The following PDE6A variants were observed in gnomAD, a reference collection of about 807,000 sequenced individuals.
PDE6A encodes the protein rod cGMP-specific 3',5'-cyclic phosphodiesterase subunit alpha.
Under a neutral mutation model 106.3 loss-of-function variants are expected in PDE6A, and 84 were observed. The observed-to-expected ratio is 0.79, with a 90% CI of 0.66 to 0.95. PDE6A has a LOEUF of 0.95. Ranked by LOEUF, PDE6A falls within the 40% of genes least tolerant of loss-of-function variation. The pLI is 0.00. For missense variants in PDE6A, 1,052 were observed against 1,084.9 expected (o/e 0.97, Z 0.43); for synonymous variants, 394 against 386.6 (o/e 1.02, Z -0.23).
chr5:149,867,938 A>G, intron 18 of PDE6A, 139 bp from the exon 19 acceptor site: 1 of 1,102,100 alleles, frequency 9.1e-7, no homozygotes, highest in East Asian at 2.4e-5. Flanking sequence ...TTTTGCTGTC[A>G]TCACTGGAGA....
chr5:149,896,583 C>A (rs1752760467), intron 11 of PDE6A, 81 bp from the exon 12 acceptor site: 1 of 1,613,668 alleles, frequency 6.2e-7, no homozygotes, highest in Non-Finnish European at 8.5e-7. Context: ...CTGTCCCCAT[C>A]CTGGGTCTGC....
chr5:149,942,218 C>G lies in PDE6A; in HGVS notation c.474+1982G>C, dbSNP rs570192788. 2.0e-3 allele frequency among the ~76,000 whole-genome samples: 307 copies of G among 152,338 alleles called. 3 individuals are homozygous for G. Among genetic ancestry groups the G allele is most frequent in the African/African-American group, 7.2e-3 (298 of 41,592 alleles). On this transcript the variant is annotated intron_variant, in intron 1 of 21. Transcript: ENST00000255266. ...GCTCAAGTGGTCTTCCCACCTCAGC[C>G]TCCCAAAGTGCTGGGATTACAGGTG...
intron 4 of PDE6A, among the ~76,000 whole-genome samples, chr5:149,929,480 G>A (rs1208938262): frequency 2.0e-5 from 3 of 152,072 alleles, no homozygotes; most frequent in Non-Finnish European, 2.9e-5. Context: ...GGTGGTGGGC[G>A]CCTGTAGTCC....
intron 20 of PDE6A, among the ~76,000 whole-genome samples, chr5:149,865,321 G>T (rs1268062446): frequency 6.6e-6 from 1 of 151,090 alleles, no homozygotes; most frequent in African/African-American, 2.4e-5. Context: ...GAGGTGGGAG[G>T]ATCATTTGGG....
intron 14 of PDE6A, 65 bp from the exon 15 acceptor site, chr5:149,884,932 TCTC>T (rs1170184207): frequency 3.2e-6 from 4 of 1,257,180 alleles, no homozygotes; most frequent in Non-Finnish European, 4.7e-6. Context: ...AAACATCAAG[TCTC>T]CTGACTCAGT....
intron 17 of PDE6A, among the ~76,000 whole-genome samples, chr5:149,870,888 A>AG (rs373239753): frequency 2.9e-4 from 44 of 151,370 alleles, no homozygotes; most frequent in African/African-American, 1.1e-3. Context: ...AGAAAGAAAG[A>AG]AAAAGAAAGA....
chr5:149,874,140 A>G (rs1416508204), intron 17 of PDE6A, among the ~76,000 whole-genome samples: 1 of 152,124 alleles, frequency 6.6e-6, no homozygotes, highest in African/African-American at 2.4e-5. Flanking sequence ...TCCTCACAAC[A>G]AGCAATCCTG....
rs1753256831 is a variant in PDE6A at position 149,908,044 on chromosome 5, TAG to T, written c.999-668_999-667del. Among the ~76,000 whole-genome samples the T allele has an allele frequency of 2.0e-5, 3 of 152,364 alleles. No homozygotes were observed. In the South Asian group the frequency reaches 6.2e-4, roughly 32 times the overall value. ...GCTAAATTGCATTTTTGCTTTTTTG[TAG>T]AGTTTTAGCTTCTAAGCATGTTTTC... On this transcript the variant is annotated intron_variant, in intron 6 of 21. Coordinates refer to ENST00000255266, the MANE Select transcript of PDE6A (RefSeq NM_000440.3).
chr5:149,893,057 G>C (rs954025124), intron 13 of PDE6A, among the ~76,000 whole-genome samples: 2 of 152,208 alleles, frequency 1.3e-5, no homozygotes, highest in Non-Finnish European at 2.9e-5. Flanking sequence ...TGACTCAGTA[G>C]TGCAGAACTT....
chr5:149,912,907 G>A (rs976795652), intron 6 of PDE6A, among the ~76,000 whole-genome samples: 11 of 152,256 alleles, frequency 7.2e-5, no homozygotes, highest in African/African-American at 2.6e-4. Context: ...AAGCTAGTAG[G>A]ATGTGATGCT....
intron 1 of PDE6A, among the ~76,000 whole-genome samples, chr5:149,941,972 T>C: frequency 6.6e-6 from 1 of 152,118 alleles, no homozygotes; most frequent in Non-Finnish European, 1.5e-5. Context: ...TCCTTTCCTT[T>C]CCTTTTCTTG....
chr5:149,910,874 CTTTTTTTT>C (rs386405293), intron 6 of PDE6A, among the ~76,000 whole-genome samples: 6 of 87,142 alleles, frequency 6.9e-5, no homozygotes, highest in Admixed American at 1.6e-4. Flanking sequence ...TTTCTTTTTC[CTTTTTTTT>C]TTTTTTTTTT....
intron 17 of PDE6A, among the ~76,000 whole-genome samples, chr5:149,876,812 T>G (rs572182254): frequency 1.3e-5 from 2 of 152,220 alleles, no homozygotes; most frequent in Admixed American, 6.5e-5. Context: ...CATGTTACAA[T>G]ACATCCAACT....
intron 7 of PDE6A, among the ~76,000 whole-genome samples, chr5:149,905,295 C>A (rs1212695783): frequency 1.3e-5 from 2 of 152,108 alleles, no homozygotes; most frequent in Non-Finnish European, 2.9e-5. Flanking sequence ...GTCTCCCTCT[C>A]CCTAAGTGGC....
chr5:149,940,032 T>C (rs1361534822), intron 1 of PDE6A: 2 of 152,114 alleles, frequency 1.3e-5, no homozygotes, highest in Non-Finnish European at 2.9e-5. Flanking sequence ...TTTCTTTTTT[T>C]AGGCTAGTCG....
At chr5:149,871,527 T>C (rs1760551166) in intron 17 of PDE6A, among the ~76,000 whole-genome samples, 1 of 151,668 alleles carries the variant, frequency 6.6e-6, no homozygotes, top group South Asian at 2.1e-4. Context: ...AGAAACACAT[T>C]CCAGGCAGAA....
Position 149,900,375 on chromosome 5 carries a change from G to GTA in PDE6A, c.1114-853_1114-852dup, listed in dbSNP as rs55680278. Among the ~76,000 whole-genome samples, 431 of 82,640 alleles carry GTA rather than the reference G, an allele frequency of 5.2e-3. 33 individuals are homozygous for GTA. The highest frequency in any genetic ancestry group is 0.013 in the African/African-American group (347 of 26,276). The allele number at this position is 82,640 out of a possible 152,430, so 54.2% of individuals were successfully genotyped here. On this transcript the variant is annotated intron_variant, in intron 8 of 21. Transcript: ENST00000255266. Reference sequence around the variant, plus strand: ...AGACTCCATCTCGAAAAATATATATGTATATATATATATATATATATATCC... The same window carrying GTA: ...AGACTCCATCTCGAAAAATATATATGTATATATATATATATATATATATATCC...
At chr5:149,938,768 C>G (rs1754251202) in intron 1 of PDE6A, among the ~76,000 whole-genome samples, 2 of 151,922 alleles carry the variant, frequency 1.3e-5, no homozygotes, top group African/African-American at 4.8e-5. Flanking sequence ...TACTGGGCAT[C>G]TTATATTTTT....
In PDE6A at chr5:149,867,850, C is replaced by A. The variant is rs775592389; in HGVS notation, c.2200-51G>T. 9.1e-6 allele frequency: 14 copies of A among 1,542,546 alleles called. No homozygotes were observed. In the Admixed American group the frequency reaches 2.4e-4, roughly 26 times the overall value. ...GCAGAGTCAGAGCCCCAGCCCAATC[C>A]CCTACCCCTGCTCCCACCCCACTTG... On this transcript the variant is annotated intron_variant, in intron 18 of 21. Transcript: ENST00000255266.
Sources: allele counts gnomAD v4.1 joint callset (sites outside exome capture counted in the v4.1 genomes callset), GRCh38; gene constraint gnomAD v4.1.1; transcripts MANE v1.5; gene names NCBI Gene and HGNC (gene_info 2026-07-23, HGNC 2026-07-21).